Variants in PDE1C observed in about 807,000 individuals in gnomAD.
PDE1C encodes the protein phosphodiesterase 1C.
PDE1C carries 62 observed loss-of-function variants against 93.1 expected under a neutral mutation model. The observed-to-expected ratio is 0.67, with a 90% CI of 0.54 to 0.82. The LOEUF is 0.82. Ranked by LOEUF, PDE1C falls within the 40% of genes least tolerant of loss-of-function variation. PDE1C has a pLI of 0.00. For missense variants in PDE1C, 742 were observed against 884.6 expected, an observed-to-expected ratio of 0.84 and a Z score of 2.04; for synonymous variants, 325 against 310.1, an observed-to-expected ratio of 1.05 and a Z score of -0.50.
chr7:32,242,232 A>T (rs949499015), intron 1 of PDE1C, among the ~76,000 whole-genome samples: 1 of 152,142 alleles, frequency 6.6e-6, no homozygotes, highest in Non-Finnish European at 1.5e-5. Context: ...TGAAAACAAA[A>T]TGGGTAAGGA....
At position 32,129,500 on chromosome 7, in the gene PDE1C, G is replaced by A. The variant is rs949500944; in HGVS notation, c.308+40285C>T. 4.0e-5 allele frequency among the ~76,000 whole-genome samples: 5 copies of A among 123,510 alleles called. 1 individual carries two copies. Among genetic ancestry groups the A allele is most frequent in the African/African-American group, 1.6e-4 (4 of 25,612 alleles). The allele number at this position is 123,510 out of a possible 152,430, so 81.0% of individuals were successfully genotyped here. A position where few individuals can be genotyped will look rare whatever the true frequency, so the allele number is the denominator to read the frequency against. On this transcript the variant is annotated intron_variant, in intron 3 of 18. Coordinates refer to the PDE1C transcript ENST00000396193. ...ATATTAATGTAAATGTAACATTTTT[G>A]TAATAAAAAATACATAATTTCAAAT...
intron 7 of PDE1C, among the ~76,000 whole-genome samples, chr7:31,855,630 T>G (rs144495150): frequency 6.6e-6 from 1 of 151,102 alleles, no homozygotes; most frequent in African/African-American, 2.4e-5. Flanking sequence ...TGTTAATACA[T>G]TGATATTATG....
intron 11 of PDE1C, 65 bp downstream of exon 11, chr7:31,837,115 T>G: frequency 2.6e-6 from 4 of 1,524,634 alleles, no homozygotes; most frequent in South Asian, 1.2e-5. Context: ...CTAGCATTGC[T>G]GAGATATAAA....
intron 17 of PDE1C, among the ~76,000 whole-genome samples, chr7:31,771,440 A>C (rs998061667): frequency 2.0e-5 from 3 of 152,084 alleles, no homozygotes; most frequent in Non-Finnish European, 4.4e-5. Flanking sequence ...GTGGCATCTC[A>C]CTGTGGCTTT....
intron 3 of PDE1C, among the ~76,000 whole-genome samples, chr7:32,088,426 T>C (rs1166255653): frequency 6.6e-6 from 1 of 152,214 alleles, no homozygotes. Flanking sequence ...AATACAGATC[T>C]GCTGGCTGAG....
chr7:32,392,003 G>T (rs1489343679), intron 1 of PDE1C, among the ~76,000 whole-genome samples: 4 of 151,746 alleles, frequency 2.6e-5, no homozygotes, highest in Admixed American at 6.6e-5. Flanking sequence ...TGAAATAGAA[G>T]ATAGAAAAGC....
At chr7:32,066,628 T>G (rs1415405845) in intron 1 of PDE1C, among the ~76,000 whole-genome samples, 2 of 152,118 alleles carry the variant, frequency 1.3e-5, no homozygotes, top group African/African-American at 2.4e-5. Context: ...CAAGGTACAG[T>G]CATAACCCAA....
At chr7:32,222,920 C>T (rs1806982935) in intron 1 of PDE1C, among the ~76,000 whole-genome samples, 1 of 152,174 alleles carries the variant, frequency 6.6e-6, no homozygotes, top group African/African-American at 2.4e-5. Context: ...TGACAGTACC[C>T]TTGTTTCTAT....
At chr7:31,929,039 C>T (rs1200336362) in intron 2 of PDE1C, among the ~76,000 whole-genome samples, 1 of 151,752 alleles carries the variant, frequency 6.6e-6, no homozygotes, top group Non-Finnish European at 1.5e-5. Context: ...TCAGGAGACC[C>T]ATCTCATGTG....
At chr7:31,760,376 A>T (rs6945688) in intron 17 of PDE1C, among the ~76,000 whole-genome samples, 1 of 151,982 alleles carries the variant, frequency 6.6e-6, no homozygotes, top group Non-Finnish European at 1.5e-5. Flanking sequence ...TTTCCACTAA[A>T]TGAGAGCAAT....
upstream of PDE1C, chr7:32,070,765 G>C: frequency 9.5e-7 from 1 of 1,053,318 alleles, no homozygotes. Flanking sequence ...AGCGATCAGC[G>C]CGCAGCTAAA....
At chr7:32,211,789 A>C (rs1806051208) in intron 1 of PDE1C, among the ~76,000 whole-genome samples, 2 of 152,076 alleles carry the variant, frequency 1.3e-5, no homozygotes, top group Middle Eastern at 3.2e-3. Flanking sequence ...TGGGAGGCTG[A>C]GGCAGGAGGA....
At chr7:31,770,376 AG>A (rs1338514751) in intron 17 of PDE1C, among the ~76,000 whole-genome samples, 1 of 152,216 alleles carries the variant, frequency 6.6e-6, no homozygotes, top group East Asian at 1.9e-4. Flanking sequence ...TGGTTTCCAA[AG>A]CACAAAAGTT....
At chr7:32,115,682 C>T (rs1798948559) in intron 3 of PDE1C, among the ~76,000 whole-genome samples, 1 of 152,090 alleles carries the variant, frequency 6.6e-6, no homozygotes, top group South Asian at 2.1e-4. Flanking sequence ...AGACAATCTG[C>T]CAAATAGTTG....
chr7:31,935,097 C>G (rs546591238), intron 2 of PDE1C, among the ~76,000 whole-genome samples: 3 of 152,086 alleles, frequency 2.0e-5, no homozygotes, highest in African/African-American at 7.2e-5. Flanking sequence ...AACAAAAACT[C>G]GAATGCCTTC....
At chr7:32,184,762 T>C (rs1803724316) in intron 2 of PDE1C, among the ~76,000 whole-genome samples, 1 of 152,050 alleles carries the variant, frequency 6.6e-6, no homozygotes, top group Non-Finnish European at 1.5e-5. Context: ...AACCTGCACG[T>C]TGTGCACATG....
Position 32,093,805 on chromosome 7 carries a change from A to G in PDE1C, c.308+75980T>C, listed in dbSNP as rs1797605462. Among the ~76,000 whole-genome samples, 2 of 152,284 alleles carry G rather than the reference A, an allele frequency of 1.3e-5. 1 individual carries two copies. The highest frequency in any genetic ancestry group is 4.1e-4 in the South Asian group (2 of 4,826). On this transcript the variant is annotated intron_variant, in intron 3 of 18. Transcript: ENST00000396193. ...TAGCCCAGCTGTGCCAGGGGCCAGA[A>G]CCCCTCGCTGAAAGCTGCTGTGTGC... is the stretch of plus-strand genomic sequence containing the variant.
At chr7:32,208,712 T>TC (rs1255367879) in intron 2 of PDE1C, among the ~76,000 whole-genome samples, 117 of 151,408 alleles carry the variant, frequency 7.7e-4, no homozygotes, top group East Asian at 6.0e-3. Context: ...TCTAGTATTT[T>TC]CCCCCCCCTT....
chr7:31,802,814 T>C (rs1314919364), intron 16 of PDE1C, among the ~76,000 whole-genome samples: 1 of 151,812 alleles, frequency 6.6e-6, no homozygotes, highest in Non-Finnish European at 1.5e-5. Flanking sequence ...TATGTGTAAT[T>C]TTTCTCTGGC....
Sources: gnomAD v4.1 joint callset for allele counts (sites outside exome capture counted in the v4.1 genomes callset) on GRCh38, gnomAD v4.1.1 for gene constraint, MANE v1.5 for transcripts, NCBI Gene and HGNC (gene_info 2026-07-23, HGNC 2026-07-21) for gene names.